The following COL4A2 variants were observed in gnomAD, a reference collection of about 807,000 sequenced individuals.
The protein encoded by COL4A2 is collagen type IV alpha 2 chain, also known as collagen alpha-2(IV) chain.
A neutral mutation model predicts 200.2 loss-of-function variants in COL4A2; 99 were observed. The observed-to-expected ratio is 0.49, with a 90% CI of 0.42 to 0.58. COL4A2 has a LOEUF of 0.58. COL4A2 is among the 20% of genes least tolerant of loss of function. The probability of loss-of-function intolerance (pLI) is 0.00; values close to 1 mark genes in which losing one functional copy is unlikely to be tolerated. For missense variants in COL4A2, 1,950 were observed against 2,314.1 expected (o/e 0.84, Z 3.23); for synonymous variants, 897 against 900.6 (o/e 1.00, Z 0.07).
chr13:110,360,782 G>A (rs926785569), intron 4 of COL4A2, among the ~76,000 whole-genome samples: 2 of 152,136 alleles, frequency 1.3e-5, no homozygotes, highest in African/African-American at 2.4e-5. Flanking sequence ...AGAGGCAAAC[G>A]ATACCCGCCC....
intron 4 of COL4A2, among the ~76,000 whole-genome samples, chr13:110,372,582 AG>A (rs1310992361): frequency 1.3e-5 from 2 of 152,226 alleles, no homozygotes; most frequent in African/African-American, 2.4e-5. Context: ...TCTGGAAGGC[AG>A]GCAAGCTTTT....
chr13:110,429,828 G>C, intron 7 of COL4A2, 57 bp from the exon 8 acceptor site: 1 of 1,544,688 alleles, frequency 6.5e-7, no homozygotes, highest in Non-Finnish European at 8.9e-7. Flanking sequence ...TAGCTGCACC[G>C]AATGTTAATG....
At chr13:110,359,057 A>G (rs1877408384) in intron 4 of COL4A2, among the ~76,000 whole-genome samples, 1 of 152,244 alleles carries the variant, frequency 6.6e-6, no homozygotes, top group African/African-American at 2.4e-5. Context: ...ACTGCAATAT[A>G]GTTATACAAA....
intron 4 of COL4A2, among the ~76,000 whole-genome samples, chr13:110,378,728 G>A (rs1878343058): frequency 6.6e-6 from 1 of 152,356 alleles, no homozygotes; most frequent in African/African-American, 2.4e-5. Context: ...AGTATTCCCT[G>A]CAGACAGCAT....
intron 24 of COL4A2, chr13:110,463,368 T>G: frequency 6.6e-6 from 1 of 152,214 alleles, no homozygotes; most frequent in East Asian, 1.9e-4. Flanking sequence ...TCATCTGACC[T>G]TGAGCACCCT....
intron 4 of COL4A2, among the ~76,000 whole-genome samples, chr13:110,368,289 G>A (rs1027092044): frequency 6.6e-6 from 1 of 152,108 alleles, no homozygotes; most frequent in Non-Finnish European, 1.5e-5. Flanking sequence ...ATTCACAAAG[G>A]CCTCAAGTCA....
At chr13:110,466,353 T>C (rs1384415836) in intron 26 of COL4A2, among the ~76,000 whole-genome samples, 1 of 151,528 alleles carries the variant, frequency 6.6e-6, no homozygotes, top group African/African-American at 2.4e-5. Context: ...GCCAGGAGGG[T>C]CCAGGCAGAG....
At chr13:110,407,793 C>A (rs527344624) in intron 4 of COL4A2, among the ~76,000 whole-genome samples, 1 of 152,130 alleles carries the variant, frequency 6.6e-6, no homozygotes. Context: ...AGTGTGAGGA[C>A]GGGGGACAGC....
At chr13:110,433,365 C>T (rs1386053665) in intron 11 of COL4A2, among the ~76,000 whole-genome samples, 2 of 152,244 alleles carry the variant, frequency 1.3e-5, no homozygotes, top group South Asian at 2.1e-4. Context: ...CCCCTTGCTG[C>T]GGCAAACATC....
At chr13:110,395,313 C>T (rs1436865542) in intron 4 of COL4A2, among the ~76,000 whole-genome samples, 1 of 152,172 alleles carries the variant, frequency 6.6e-6, no homozygotes, top group Non-Finnish European at 1.5e-5. Context: ...TGGGAAGTGA[C>T]TGCCACTGCC....
At chr13:110,431,550 G>T (rs571119456) in intron 10 of COL4A2, among the ~76,000 whole-genome samples, 1 of 152,146 alleles carries the variant, frequency 6.6e-6, no homozygotes, top group Non-Finnish European at 1.5e-5. Flanking sequence ...CTGAAATCAG[G>T]GTCATACGAG....
intron 12 of COL4A2, 103 bp from the exon 13 acceptor site, chr13:110,436,166 G>A: frequency 6.5e-7 from 1 of 1,533,944 alleles, no homozygotes. Flanking sequence ...TAAGTAATAT[G>A]CAAACATTAA....
At chr13:110,462,543 C>A in intron 24 of COL4A2, 159 bp downstream of exon 24, 1 of 647,992 alleles carries the variant, frequency 1.5e-6, no homozygotes. Flanking sequence ...GAGCAGAAAT[C>A]AGACTTTTTA....
chr13:110,480,962 G>A (rs972780446), intron 31 of COL4A2, among the ~76,000 whole-genome samples: 83 of 118,868 alleles, frequency 7.0e-4, no homozygotes, highest in Non-Finnish European at 1.2e-3. Flanking sequence ...CTGTCCCTCC[G>A]TTGCTGGAGA....
At chr13:110,491,401 A>C in intron 37 of COL4A2, 61 bp downstream of exon 37, 2 of 1,152,554 alleles carry the variant, frequency 1.7e-6, no homozygotes, top group Non-Finnish European at 1.3e-6. Context: ...CCCCAGAACA[A>C]AGGCGGTCAA....
intron 28 of COL4A2, among the ~76,000 whole-genome samples, chr13:110,472,262 T>TG (rs1484899616): frequency 1.3e-4 from 20 of 151,728 alleles, no homozygotes; most frequent in Admixed American, 7.2e-4. Flanking sequence ...ACTACAGGCA[T>TG]CCGCCACCAC....
intron 4 of COL4A2, among the ~76,000 whole-genome samples, chr13:110,414,582 C>A (rs1022111338): frequency 6.6e-6 from 1 of 152,142 alleles, no homozygotes; most frequent in African/African-American, 2.4e-5. Flanking sequence ...ACGCTGCCGA[C>A]CCCCCCGATC....
intron 12 of COL4A2, 69 bp downstream of exon 12, chr13:110,434,511 A>G (rs1880800150): frequency 2.7e-6 from 4 of 1,496,378 alleles, no homozygotes; most frequent in Non-Finnish European, 3.7e-6. Context: ...AATCATTTTA[A>G]TTACTAAGTT....
At chr13:110,432,254 G>T in intron 10 of COL4A2, 71 bp from the exon 11 acceptor site, 1 of 1,529,214 alleles carries the variant, frequency 6.5e-7, no homozygotes, top group Non-Finnish European at 8.8e-7. Context: ...CTTTCCCAGA[G>T]CTTTCCACCA....
Sources: allele counts gnomAD v4.1 joint callset (sites outside exome capture counted in the v4.1 genomes callset), GRCh38; gene constraint gnomAD v4.1.1; transcripts MANE v1.5; gene names NCBI Gene and HGNC (gene_info 2026-07-23, HGNC 2026-07-21).